Variants in PARD3 observed in about 807,000 individuals in gnomAD.
PARD3 encodes par-3 family cell polarity regulator, also known as partitioning defective 3 homolog.
A neutral mutation model predicts 155.4 loss-of-function variants in PARD3; 75 were observed. That is an observed-to-expected ratio of 0.48 (90% confidence interval 0.40 to 0.58). PARD3 has a LOEUF of 0.58. PARD3 is among the 20% of genes least tolerant of loss of function. The probability of loss-of-function intolerance (pLI) is 0.00; values close to 1 mark genes in which losing one functional copy is unlikely to be tolerated. For missense variants in PARD3, 1,642 were observed against 1,721.7 expected (o/e 0.95, Z 0.82); for synonymous variants, 576 against 610.5 (o/e 0.94, Z 0.83).
intron 2 of PARD3, among the ~76,000 whole-genome samples, chr10:34,666,796 A>AAAAATATAT (rs1358640964): frequency 6.0e-5 from 4 of 66,962 alleles, no homozygotes; most frequent in Non-Finnish European, 1.1e-4. Context: ...AAAAAAAAAA[A>AAAAATATAT]ATATATATAT....
chr10:34,669,653 T>C (rs2093572431), intron 2 of PARD3, among the ~76,000 whole-genome samples: 1 of 151,966 alleles, frequency 6.6e-6, no homozygotes, highest in Non-Finnish European at 1.5e-5. Flanking sequence ...TTATGCACCG[T>C]AAGAGAGAAG....
rs181882251 is a variant in PARD3, at chr10:34,382,962, T to C, written c.1017-40A>G. ...GAATAGAAAATTAGCAAATTAAGAC[T>C]GGCAGACTAGAAGATATTATGAGCT... On this transcript the variant is annotated intron_variant, in intron 8 of 24. Coordinates refer to ENST00000374788, the MANE Select transcript of PARD3 (RefSeq NM_001184785.2). 914 of 1,603,026 alleles carry C rather than the reference T, an allele frequency of 5.7e-4. 12 individuals are homozygous for C. In the East Asian group the frequency reaches 0.011, roughly 20 times the overall value.
intron 22 of PARD3, among the ~76,000 whole-genome samples, chr10:34,207,208 G>A (rs750906135): frequency 6.6e-6 from 1 of 152,202 alleles, no homozygotes; most frequent in Non-Finnish European, 1.5e-5. Flanking sequence ...AGGGGCTCAT[G>A]ATGAGTTAAA....
chr10:34,685,126 T>G (rs1650498176), intron 2 of PARD3, among the ~76,000 whole-genome samples: 1 of 152,166 alleles, frequency 6.6e-6, no homozygotes, highest in African/African-American at 2.4e-5. Flanking sequence ...AGGTTTTAAT[T>G]TATTCCATTT....
In PARD3 at chr10:34,262,259, T is replaced by C. The variant is rs540243037; in HGVS notation, c.3419+7398A>G. 3.3e-5 allele frequency among the ~76,000 whole-genome samples: 5 copies of C among 152,234 alleles called. No individual in the cohort carries two copies. In the South Asian group the frequency reaches 6.2e-4, roughly 19 times the overall value. ...TTTAGAACAAAGCCTATTACGGTTT[T>C]TTTTTTTAAATGTTTTTATTTTTTA... On this transcript the variant is annotated intron_variant, in intron 22 of 24. Transcript: ENST00000374788.
intron 3 of PARD3, among the ~76,000 whole-genome samples, chr10:34,515,794 T>C (rs2081696232): frequency 6.6e-6 from 1 of 152,000 alleles, no homozygotes. Context: ...TTCTAAATAT[T>C]ATCTACCTAT....
In PARD3 at chr10:34,774,293, T is replaced by G. The variant is rs527824334; in HGVS notation, c.120+40583A>C. On this transcript the variant is annotated intron_variant, in intron 1 of 24. Transcript: ENST00000374788. Reference sequence around the variant, plus strand: ...CTCCACAAACTGCACGGAGTCACCTTTTAGGCAAGGCTTGGCTTCTAAAAT... The same window carrying G: ...CTCCACAAACTGCACGGAGTCACCTGTTAGGCAAGGCTTGGCTTCTAAAAT... Among the ~76,000 whole-genome samples the G allele has an allele frequency of 9.8e-5, 15 of 152,312 alleles. No homozygotes were observed. The East Asian group carries it at 2.5e-3, about 25-fold the overall frequency.
intron 22 of PARD3, among the ~76,000 whole-genome samples, chr10:34,211,143 C>T (rs556408834): frequency 2.0e-5 from 3 of 152,322 alleles, no homozygotes; most frequent in African/African-American, 7.2e-5. Flanking sequence ...GATAAACATT[C>T]GCTCTCTTCC....
chr10:34,360,617 T>A (rs970078381), intron 12 of PARD3, among the ~76,000 whole-genome samples: 1 of 152,054 alleles, frequency 6.6e-6, no homozygotes, highest in African/African-American at 2.4e-5. Context: ...ACAATGGGAG[T>A]AAAAATAAAT....
intron 11 of PARD3, among the ~76,000 whole-genome samples, chr10:34,373,853 GT>G (rs1223264052): frequency 1.3e-5 from 2 of 151,736 alleles, no homozygotes; most frequent in Non-Finnish European, 2.9e-5. Flanking sequence ...TATAGAAATA[GT>G]TTATATAGAG....
intron 18 of PARD3, among the ~76,000 whole-genome samples, chr10:34,334,058 AAGTT>A (rs1318989033): frequency 6.6e-6 from 1 of 151,854 alleles, no homozygotes; most frequent in Non-Finnish European, 1.5e-5. Flanking sequence ...TACATCATAA[AAGTT>A]AGTATCTTTT....
At chr10:34,262,391 T>C (rs528707668) in intron 22 of PARD3, among the ~76,000 whole-genome samples, 1 of 152,022 alleles carries the variant, frequency 6.6e-6, no homozygotes, top group Non-Finnish European at 1.5e-5. Context: ...CTCAGCCTCC[T>C]GAGTAGCTGG....
chr10:34,185,194 T>G (rs1443866541), intron 22 of PARD3, among the ~76,000 whole-genome samples: 5 of 152,216 alleles, frequency 3.3e-5, no homozygotes, highest in Admixed American at 3.3e-4. Context: ...AGTTTACATG[T>G]GTAGTTTCTG....
chr10:34,406,014 T>TC (rs1354471074), intron 5 of PARD3, among the ~76,000 whole-genome samples: 3 of 152,156 alleles, frequency 2.0e-5, no homozygotes, highest in African/African-American at 7.2e-5. Context: ...AACCTCCTCC[T>TC]CTTAGATGAG....
At chr10:34,454,272 T>G (rs1390967224) in intron 4 of PARD3, among the ~76,000 whole-genome samples, 1 of 152,138 alleles carries the variant, frequency 6.6e-6, no homozygotes, top group East Asian at 1.9e-4. Context: ...TGTAGGCCTG[T>G]AAAGCTGTGT....
chr10:34,401,368 C>T (rs894912380), intron 6 of PARD3, among the ~76,000 whole-genome samples: 2 of 152,126 alleles, frequency 1.3e-5, no homozygotes, highest in African/African-American at 2.4e-5. Context: ...CTTCAAACAA[C>T]AATAAATACA....
chr10:34,188,734 G>A (rs140704682), intron 22 of PARD3, among the ~76,000 whole-genome samples: 6 of 149,708 alleles, frequency 4.0e-5, no homozygotes, highest in African/African-American at 1.5e-4. Context: ...TATTCATATG[G>A]CAACTTAAAA....
intron 23 of PARD3, among the ~76,000 whole-genome samples, chr10:34,124,973 G>C (rs1489854345): frequency 6.6e-6 from 1 of 152,154 alleles, no homozygotes; most frequent in Non-Finnish European, 1.5e-5. Flanking sequence ...ACAGGTCACA[G>C]GGCAGAATAA....
intron 22 of PARD3, among the ~76,000 whole-genome samples, chr10:34,150,707 G>C (rs866429912): frequency 1.3e-5 from 2 of 152,170 alleles, no homozygotes; most frequent in African/African-American, 4.8e-5. Context: ...AGGTGAATCT[G>C]CTTTGCTGGT....
Sources: allele counts gnomAD v4.1 joint callset (sites outside exome capture counted in the v4.1 genomes callset), GRCh38; gene constraint gnomAD v4.1.1; transcripts MANE v1.5; gene names NCBI Gene and HGNC (gene_info 2026-07-23, HGNC 2026-07-21).